BMPER: variants seen among roughly 807,000 people sequenced by gnomAD.
BMPER encodes BMP-binding endothelial regulator protein.
In BMPER, 45 loss-of-function variants were observed where a neutral mutation model predicts 87.3. The ratio of observed to expected loss-of-function variants is 0.52; its 90% CI spans 0.41 to 0.66. The LOEUF is 0.66. BMPER is among the 30% of genes least tolerant of loss of function. BMPER has a pLI of 0.00. For synonymous variants in BMPER, 326 were observed against 316.2 expected (o/e 1.03, Z -0.33); for missense variants, 784 against 867.5 (o/e 0.90, Z 1.21).
intron 6 of BMPER, among the ~76,000 whole-genome samples, chr7:33,975,441 G>A (rs543139141): frequency 6.6e-6 from 1 of 152,256 alleles, no homozygotes; most frequent in South Asian, 2.1e-4. Flanking sequence ...TCTAAGCATT[G>A]CTGAATTCTA....
chr7:34,135,463 A>G (rs1790696297), intron 13 of BMPER, among the ~76,000 whole-genome samples: 1 of 152,190 alleles, frequency 6.6e-6, no homozygotes. Flanking sequence ...CCTAGAAGAA[A>G]GAAATGTCAT....
chr7:34,104,568 A>C (rs1173124822), intron 13 of BMPER, among the ~76,000 whole-genome samples: 1 of 152,128 alleles, frequency 6.6e-6, no homozygotes, highest in Non-Finnish European at 1.5e-5. Context: ...TTGCAGCTTT[A>C]CTGAGCTCAG....
chr7:34,125,583 C>T (rs570231017), intron 13 of BMPER, among the ~76,000 whole-genome samples: 4 of 152,256 alleles, frequency 2.6e-5, no homozygotes, highest in South Asian at 4.1e-4. Context: ...AATGCATGAG[C>T]GACTGAAGGA....
At chr7:34,022,188 G>A (rs984860573) in intron 6 of BMPER, among the ~76,000 whole-genome samples, 1 of 152,002 alleles carries the variant, frequency 6.6e-6, no homozygotes, top group African/African-American at 2.4e-5. Flanking sequence ...TCTGGAAGCT[G>A]CTTTAATTTG....
chr7:33,985,374 A>G lies in BMPER; in HGVS notation c.576+10590A>G, dbSNP rs911473938. Among the ~76,000 whole-genome samples the G allele has an allele frequency of 2.0e-5, 3 of 152,338 alleles. No individual in the cohort carries two copies. In the East Asian group the frequency reaches 5.8e-4, roughly 29 times the overall value. ...TGAGAATACTTTTAAAAGCTACATA[A>G]TATTTCCATAAAACCATAATTTCAT... On this transcript the variant is annotated intron_variant, in intron 6 of 14. Coordinates refer to ENST00000649409, the MANE Select transcript of BMPER (RefSeq NM_001365308.1).
intron 3 of BMPER, among the ~76,000 whole-genome samples, chr7:33,960,277 G>T (rs12672150): frequency 6.6e-6 from 1 of 152,078 alleles, no homozygotes; most frequent in African/African-American, 2.4e-5. Flanking sequence ...AGTAATAAAA[G>T]CCTGTTTTAA....
At chr7:34,046,208 A>G in intron 6 of BMPER, 98 bp from the exon 7 acceptor site, 6 of 1,140,428 alleles carry the variant, frequency 5.3e-6, no homozygotes, top group East Asian at 4.7e-5. Context: ...GGGACCTAAT[A>G]CTATGGAAGG....
chr7:34,054,220 C>T (rs1788218726), intron 8 of BMPER, among the ~76,000 whole-genome samples: 1 of 152,124 alleles, frequency 6.6e-6, no homozygotes. Context: ...ATTCTCATTG[C>T]TTAACATAGT....
rs528494974 is a variant in BMPER, at chr7:34,004,430, A to G, written c.576+29646A>G. On this transcript the variant is annotated intron_variant, in intron 6 of 14. Coordinates refer to ENST00000649409, the MANE Select transcript of BMPER (RefSeq NM_001365308.1). ...ATATTGCTTACTTTATGTGTCGTCA[A>G]ATAAACTTCCGTGTTTTTTTGCATA... is the stretch of plus-strand genomic sequence containing the variant. 2.0e-5 allele frequency among the ~76,000 whole-genome samples: 3 copies of G among 152,268 alleles called. No individual in the cohort carries two copies. In the South Asian group the frequency reaches 6.2e-4, roughly 32 times the overall value.
At position 33,966,510 on chromosome 7, in the gene BMPER, C is replaced by T; in HGVS notation, c.351C>T (p.Ser117=). The T allele has an allele frequency of 1.4e-5, 22 of 1,613,860 alleles. No homozygotes were observed. Among genetic ancestry groups the T allele is most frequent in the Non-Finnish European group, 1.8e-5 (21 of 1,179,766 alleles). ...CCTATGAAGGAAATACCTATAACAG[C>T]TCCTTCAAATGGCAGAGCCCGGCTG... ...GCTYEGNTYN[S]SFKWQSPAEP... is the part of the protein sequence containing the mutation. The change falls in exon 4 of 15, where the codon AGC becomes AGT. Residue 117 remains serine (S), a synonymous_variant. Transcript: ENST00000649409.
chr7:34,072,140 C>T (rs1251214164), intron 11 of BMPER, among the ~76,000 whole-genome samples: 1 of 152,132 alleles, frequency 6.6e-6, no homozygotes, highest in African/African-American at 2.4e-5. Flanking sequence ...ACAATGTGCA[C>T]AGACATAGTG....
chr7:34,121,526 A>G (rs374314487), intron 13 of BMPER, among the ~76,000 whole-genome samples: 3 of 152,186 alleles, frequency 2.0e-5, no homozygotes, highest in East Asian at 3.8e-4. Flanking sequence ...TTCTGTTTGC[A>G]TTCTTACTCA....
At chr7:34,115,365 C>T (rs1790089636) in intron 13 of BMPER, among the ~76,000 whole-genome samples, 1 of 152,170 alleles carries the variant, frequency 6.6e-6, no homozygotes, top group South Asian at 2.1e-4. Context: ...ATATATAATT[C>T]ACCCATTGAA....
chr7:34,062,154 A>AT, intron 11 of BMPER, 107 bp downstream of exon 11: 1 of 1,041,750 alleles, frequency 9.6e-7, no homozygotes, highest in South Asian at 1.4e-5. Context: ...TTTTGTAGGT[A>AT]TATATAGGAT....
intron 6 of BMPER, among the ~76,000 whole-genome samples, chr7:33,977,910 G>A (rs1785730374): frequency 6.6e-6 from 1 of 152,182 alleles, no homozygotes; most frequent in Non-Finnish European, 1.5e-5. Context: ...GTATATATGT[G>A]TAAGTAGTTT....
chr7:34,055,737 T>C (rs1002538740), intron 9 of BMPER, among the ~76,000 whole-genome samples: 1 of 152,178 alleles, frequency 6.6e-6, no homozygotes, highest in African/African-American at 2.4e-5. Flanking sequence ...TTGGAAGATA[T>C]TCAGATAAGG....
At chr7:34,000,305 T>G (rs1468449853) in intron 6 of BMPER, among the ~76,000 whole-genome samples, 2 of 152,034 alleles carry the variant, frequency 1.3e-5, no homozygotes, top group African/African-American at 4.8e-5. Context: ...AAAAAGAAAT[T>G]TGGACGGTGT....
chr7:34,113,286 G>A (rs531244475), intron 13 of BMPER, among the ~76,000 whole-genome samples: 1 of 151,734 alleles, frequency 6.6e-6, no homozygotes, highest in Admixed American at 6.6e-5. Context: ...TTTGCCATTT[G>A]CTTTGTTTCT....
chr7:34,139,271 G>A (rs1292374919), intron 13 of BMPER, among the ~76,000 whole-genome samples: 4 of 152,170 alleles, frequency 2.6e-5, no homozygotes, highest in East Asian at 1.9e-4. Flanking sequence ...GAATCCAGCC[G>A]AAGTCTGTAT....
Sources: allele counts gnomAD v4.1 joint callset (sites outside exome capture counted in the v4.1 genomes callset), GRCh38; gene constraint gnomAD v4.1.1; transcripts MANE v1.5; gene names NCBI Gene and HGNC (gene_info 2026-07-23, HGNC 2026-07-21).